The following GULP1 variants were observed in gnomAD, a reference collection of about 807,000 sequenced individuals.
The protein encoded by GULP1 is GULP PTB domain containing engulfment adaptor 1, also known as PTB domain-containing engulfment adapter protein 1.
GULP1 carries 19 observed loss-of-function variants against 40.9 expected under a neutral mutation model. That is an observed-to-expected ratio of 0.46 (90% confidence interval 0.32 to 0.68). The LOEUF is 0.68. GULP1 is among the 30% of genes least tolerant of loss of function. The probability of loss-of-function intolerance (pLI) is 0.03; values close to 1 mark genes in which losing one functional copy is unlikely to be tolerated. For synonymous variants in GULP1, 119 were observed against 117.6 expected, an observed-to-expected ratio of 1.01 and a Z score of -0.08; for missense variants, 312 against 362.2, an observed-to-expected ratio of 0.86 and a Z score of 1.12.
chr2:188,550,709 G>A (rs1257941544), intron 7 of GULP1, among the ~76,000 whole-genome samples: 4 of 151,264 alleles, frequency 2.6e-5, no homozygotes, highest in African/African-American at 9.7e-5. Context: ...TCTGTGAGAA[G>A]GTGTTTACTG....
At chr2:188,355,789 A>T (rs1276136233) in intron 1 of GULP1, among the ~76,000 whole-genome samples, 2 of 152,100 alleles carry the variant, frequency 1.3e-5, no homozygotes, top group Non-Finnish European at 2.9e-5. Context: ...ATACTAGCAA[A>T]CCAGTATTTT....
intron 2 of GULP1, among the ~76,000 whole-genome samples, chr2:188,472,132 T>C (rs547638298): frequency 6.6e-6 from 1 of 152,184 alleles, no homozygotes; most frequent in Non-Finnish European, 1.5e-5. Flanking sequence ...GAAATTCTGC[T>C]GCCAGATGTA....
At chr2:188,431,372 G>A (rs2056850344) in intron 2 of GULP1, among the ~76,000 whole-genome samples, 1 of 152,126 alleles carries the variant, frequency 6.6e-6, no homozygotes, top group South Asian at 2.1e-4. Flanking sequence ...AAATGTTGAA[G>A]AAGAGAGTTA....
chr2:188,432,774 A>G (rs1324412621), intron 2 of GULP1, among the ~76,000 whole-genome samples: 2 of 152,126 alleles, frequency 1.3e-5, no homozygotes, highest in Non-Finnish European at 2.9e-5. Context: ...AACTTGAAAA[A>G]TATTTTGGCT....
At chr2:188,355,543 C>T (rs1453281574) in intron 1 of GULP1, among the ~76,000 whole-genome samples, 3 of 151,838 alleles carry the variant, frequency 2.0e-5, no homozygotes, top group African/African-American at 7.2e-5. Flanking sequence ...AAAAGTCTCC[C>T]ACCAAAGAAA....
intron 2 of GULP1, among the ~76,000 whole-genome samples, chr2:188,439,748 A>G (rs1055232882): frequency 2.0e-5 from 3 of 152,090 alleles, no homozygotes; most frequent in South Asian, 2.1e-4. Context: ...TTATCTTTCT[A>G]TATCTCTCTT....
intron 5 of GULP1, among the ~76,000 whole-genome samples, chr2:188,526,040 A>G (rs937982513): frequency 8.5e-5 from 13 of 152,200 alleles, no homozygotes; most frequent in African/African-American, 2.9e-4. Flanking sequence ...TCTATATTCC[A>G]TTAGTAGTTT....
At chr2:188,311,402 G>T (rs1322948966) in intron 1 of GULP1, among the ~76,000 whole-genome samples, 1 of 152,014 alleles carries the variant, frequency 6.6e-6, no homozygotes, top group African/African-American at 2.4e-5. Flanking sequence ...TCACCATGTT[G>T]GTCAGGATGG....
intron 7 of GULP1, among the ~76,000 whole-genome samples, chr2:188,547,710 A>G (rs2153360799): frequency 6.6e-6 from 1 of 152,234 alleles, no homozygotes; most frequent in African/African-American, 2.4e-5. Context: ...ACACAGGATC[A>G]ATACTTTGCA....
intron 2 of GULP1, among the ~76,000 whole-genome samples, chr2:188,440,603 C>A (rs1418822078): frequency 6.6e-6 from 1 of 152,058 alleles, no homozygotes; most frequent in African/African-American, 2.4e-5. Context: ...CTTGCTTTGT[C>A]ACCCAGGCTG....
At chr2:188,438,037 T>C (rs150493432) in intron 2 of GULP1, among the ~76,000 whole-genome samples, 484 of 152,176 alleles carry the variant, frequency 3.2e-3, no homozygotes, top group Non-Finnish European at 5.1e-3. Flanking sequence ...AGTTTACCAG[T>C]ATAACAAACC....
intron 1 of GULP1, among the ~76,000 whole-genome samples, chr2:188,369,271 T>G (rs2152429473): frequency 6.6e-6 from 1 of 151,696 alleles, no homozygotes; most frequent in Non-Finnish European, 1.5e-5. Flanking sequence ...GTAAAAAAAA[T>G]ATTTTTACAG....
At chr2:188,382,706 C>T (rs201834005) in intron 1 of GULP1, among the ~76,000 whole-genome samples, 4 of 152,010 alleles carry the variant, frequency 2.6e-5, no homozygotes, top group African/African-American at 9.7e-5. Context: ...GCCAACATGG[C>T]GAAACCCCCT....
intron 2 of GULP1, among the ~76,000 whole-genome samples, chr2:188,406,274 G>T (rs941844197): frequency 2.0e-5 from 3 of 152,164 alleles, no homozygotes; most frequent in Non-Finnish European, 4.4e-5. Flanking sequence ...ATAGGCAGTT[G>T]TAACACAATG....
intron 4 of GULP1, among the ~76,000 whole-genome samples, chr2:188,518,368 T>G (rs971928096): frequency 6.6e-6 from 1 of 152,108 alleles, no homozygotes; most frequent in African/African-American, 2.4e-5. Flanking sequence ...ACATTATACC[T>G]TAGCGTTTAC....
chr2:188,437,622 A>G (rs2057529975), intron 2 of GULP1, among the ~76,000 whole-genome samples: 1 of 152,154 alleles, frequency 6.6e-6, no homozygotes, highest in South Asian at 2.1e-4. Context: ...AGACACGTAC[A>G]TGTGAATGTT....
intron 6 of GULP1, among the ~76,000 whole-genome samples, chr2:188,539,914 C>T (rs1473161327): frequency 1.3e-5 from 2 of 152,060 alleles, no homozygotes; most frequent in African/African-American, 2.4e-5. Flanking sequence ...TTTGATTCAA[C>T]TGAGGTAAAA....
intron 2 of GULP1, among the ~76,000 whole-genome samples, chr2:188,422,513 T>C (rs2152774456): frequency 6.6e-6 from 1 of 151,826 alleles, no homozygotes; most frequent in East Asian, 1.9e-4. Flanking sequence ...GATATTTGAT[T>C]TACTATTTAG....
chr2:188,388,906 C>T (rs999155430), intron 2 of GULP1, among the ~76,000 whole-genome samples: 1 of 152,114 alleles, frequency 6.6e-6, no homozygotes, highest in Non-Finnish European at 1.5e-5. Flanking sequence ...GCCTAGGTTT[C>T]CCCAAAAACA....
Sources: gnomAD v4.1 joint callset for allele counts (sites outside exome capture counted in the v4.1 genomes callset) on GRCh38, gnomAD v4.1.1 for gene constraint, MANE v1.5 for transcripts, NCBI Gene and HGNC (gene_info 2026-07-23, HGNC 2026-07-21) for gene names.